The following JAKMIP1 variants were observed in gnomAD, a reference collection of about 807,000 sequenced individuals.
JAKMIP1 encodes the protein janus kinase and microtubule interacting protein 1.
Under a neutral mutation model 113.0 loss-of-function variants are expected in JAKMIP1, and 33 were observed. The ratio of observed to expected loss-of-function variants is 0.29; its 90% CI spans 0.22 to 0.39. JAKMIP1 has a LOEUF of 0.39. JAKMIP1 is among the 10% of genes least tolerant of loss of function. JAKMIP1 has a pLI of 1.00. For missense variants in JAKMIP1, 813 were observed against 1,080.5 expected (o/e 0.75, Z 3.47); for synonymous variants, 480 against 459.9 (o/e 1.04, Z -0.56).
At position 6,098,896 on chromosome 4, in the gene JAKMIP1, T is replaced by C. The variant is rs963797541; in HGVS notation, c.624+6577A>G. On this transcript the variant is annotated intron_variant, in intron 3 of 20. Transcript: ENST00000409021. ...AGCACCTTAGATTAGTTTTTACGCT[T>C]CTTAAACTTCATGTGAGTAAAATCA... Among the ~76,000 whole-genome samples, 4 of 152,242 alleles carry C rather than the reference T, an allele frequency of 2.6e-5. No individual in the cohort carries two copies. The East Asian group carries it at 7.7e-4, about 29-fold the overall frequency.
In JAKMIP1 at chr4:6,138,196, C is replaced by T. The variant is rs552352675; in HGVS notation, c.-147-25199G>A. On this transcript the variant is annotated intron_variant, in intron 1 of 20. Coordinates refer to ENST00000409021, the MANE Select transcript of JAKMIP1 (RefSeq NM_001099433.2). This position sits in a 1 kb window ranked among gnomAD's most constrained non-coding sequence, Gnocchi z 6.0. The stretch of plus-strand genomic sequence containing the variant: ...GGCTTCTGTTATCTGCACCTGAACA[C>T]AGATGAAAGCTGGGGTACCCCAGAA... Among the ~76,000 whole-genome samples the T allele has an allele frequency of 2.0e-5, 3 of 152,276 alleles. No individual in the cohort carries two copies. The South Asian group carries it at 6.2e-4, about 32-fold the overall frequency.
chr4:6,081,830 A>G lies in JAKMIP1; in HGVS notation c.955-75T>C. 2 of 1,573,822 alleles carry G rather than the reference A, an allele frequency of 1.3e-6. No individual in the cohort carries two copies. Among genetic ancestry groups the G allele is most frequent in the Non-Finnish European group, 1.7e-6 (2 of 1,151,172 alleles). Reference sequence around the variant, plus strand: ...CCGAGGTCACAGCACCGAGGTGAGCAGAGACTCAACCCAGTTAGGACCCCT... The same window carrying G: ...CCGAGGTCACAGCACCGAGGTGAGCGGAGACTCAACCCAGTTAGGACCCCT... On this transcript the variant is annotated intron_variant, in intron 5 of 20. Coordinates refer to ENST00000409021, the MANE Select transcript of JAKMIP1 (RefSeq NM_001099433.2). This position sits in a 1 kb window ranked among gnomAD's most constrained non-coding sequence, Gnocchi z 4.6.
At chr4:6,145,982 G>T (rs1413651939) in intron 1 of JAKMIP1, among the ~76,000 whole-genome samples, 1 of 152,128 alleles carries the variant, frequency 6.6e-6, no homozygotes, top group African/African-American at 2.4e-5. Context: ...TTCGACATAG[G>T]AACTTTGGGG....
rs1203880515 is a variant in JAKMIP1, at chr4:6,143,983, C to A, written c.-147-30986G>T. Reference sequence around the variant, plus strand: ...CTGCCTCACAGGCATGCCAGGGGGTCAAAGCAGAGAGGCTCACTCGGGCCC... The same window carrying A: ...CTGCCTCACAGGCATGCCAGGGGGTAAAAGCAGAGAGGCTCACTCGGGCCC... On this transcript the variant is annotated intron_variant, in intron 1 of 20. Transcript: ENST00000409021. The surrounding 1 kb of genome is among the most constrained non-coding windows in gnomAD (Gnocchi z 4.9). 2.0e-5 allele frequency among the ~76,000 whole-genome samples: 3 copies of A among 152,048 alleles called. No individual in the cohort carries two copies. Among genetic ancestry groups the A allele is most frequent in the Admixed American group, 1.3e-4 (2 of 15,274 alleles).
chr4:6,190,452 G>T (rs1189637719), intron 1 of JAKMIP1, among the ~76,000 whole-genome samples: 4 of 152,038 alleles, frequency 2.6e-5, no homozygotes, highest in African/African-American at 9.7e-5. Flanking sequence ...TTCCATAAGT[G>T]AACAGCACCC....
Position 6,042,152 on chromosome 4 carries a change from C to G in JAKMIP1, c.2097+7G>C. On this transcript the variant is annotated splice_region_variant and intron_variant, in intron 17 of 20. Transcript: ENST00000409021. The surrounding 1 kb of genome is among the most constrained non-coding windows in gnomAD (Gnocchi z 5.2). Reference sequence around the variant, plus strand: ...CTCCCCCACCCCCAGGCAGTCAAATCTTTTACCTTCTCCTTCTCCAGGTCC... The same window carrying G: ...CTCCCCCACCCCCAGGCAGTCAAATGTTTTACCTTCTCCTTCTCCAGGTCC... 6.2e-7 allele frequency: 1 copy of G among 1,613,306 alleles called. No homozygotes were observed. The highest frequency in any genetic ancestry group is 8.5e-7 in the Non-Finnish European group (1 of 1,179,304).
chr4:6,198,792 T>A (rs1281081957), intron 1 of JAKMIP1, among the ~76,000 whole-genome samples: 1 of 152,206 alleles, frequency 6.6e-6, no homozygotes, highest in African/African-American at 2.4e-5. Flanking sequence ...CCCTCCTCCT[T>A]GCCCATCCCA....
chr4:6,188,393 C>T lies in JAKMIP1; in HGVS notation c.-148+11860G>A, dbSNP rs1277636719. Among the ~76,000 whole-genome samples, 1 of 152,226 alleles carries T rather than the reference C, an allele frequency of 6.6e-6. No homozygotes were observed. The highest frequency in any genetic ancestry group is 2.4e-5 in the African/African-American group (1 of 41,460). Reference sequence around the variant, plus strand: ...TGCTGTGGCACTGTTCTCACAGACACCTGCACAGGAGGTTCTGATAAGGAG... The same window carrying T: ...TGCTGTGGCACTGTTCTCACAGACATCTGCACAGGAGGTTCTGATAAGGAG... On this transcript the variant is annotated intron_variant, in intron 1 of 20. Coordinates refer to ENST00000409021, the MANE Select transcript of JAKMIP1 (RefSeq NM_001099433.2). This position sits in a 1 kb window ranked among gnomAD's most constrained non-coding sequence, Gnocchi z 5.8.
Position 6,150,445 on chromosome 4 carries a change from C to T in JAKMIP1, c.-147-37448G>A, listed in dbSNP as rs1426385557. ...AAGGACAGTGTCCACGGTTCATCCA[C>T]CTCTACGTCCCCAGGGCCCTGTCCG... On this transcript the variant is annotated intron_variant, in intron 1 of 20. Coordinates refer to ENST00000409021, the MANE Select transcript of JAKMIP1 (RefSeq NM_001099433.2). This position sits in a 1 kb window ranked among gnomAD's most constrained non-coding sequence, Gnocchi z 4.8. 3 of 152,260 alleles carry T rather than the reference C, an allele frequency of 2.0e-5. No individual in the cohort carries two copies. The highest frequency in any genetic ancestry group is 7.2e-5 in the African/African-American group (3 of 41,454). 9.4% of individuals were successfully genotyped at this position (152,260 alleles called of 1,614,324 possible). A position where few individuals can be genotyped will look rare whatever the true frequency, so the allele number is the denominator to read the frequency against.
chr4:6,137,301 C>A lies in JAKMIP1; in HGVS notation c.-147-24304G>T, dbSNP rs537437222. 1.1e-4 allele frequency among the ~76,000 whole-genome samples: 16 copies of A among 152,324 alleles called. No homozygotes were observed. The highest frequency in any genetic ancestry group is 3.1e-4 in the African/African-American group (13 of 41,582). ...CCAGGGCCCACTGAGCCACAGCAGC[C>A]ACAGTGGCTGCAAGACGGCACGCGC... On this transcript the variant is annotated intron_variant, in intron 1 of 20. Coordinates refer to ENST00000409021, the MANE Select transcript of JAKMIP1 (RefSeq NM_001099433.2). The surrounding 1 kb of genome is among the most constrained non-coding windows in gnomAD (Gnocchi z 4.5).
intron 1 of JAKMIP1, among the ~76,000 whole-genome samples, chr4:6,166,203 C>T (rs1156482613): frequency 6.6e-6 from 1 of 152,200 alleles, no homozygotes; most frequent in Non-Finnish European, 1.5e-5. Flanking sequence ...GGTCTCCAGC[C>T]CATGACAGAT....
rs4526052 is a variant in JAKMIP1 at position 6,155,228 on chromosome 4, A to G, written c.-147-42231T>C. On this transcript the variant is annotated intron_variant, in intron 1 of 20. Transcript: ENST00000409021. The surrounding 1 kb of genome is among the most constrained non-coding windows in gnomAD (Gnocchi z 6.1). ...CCCTGGTGTGCCCACGAGGAGGACG[A>G]ATGCTCCTCCTAAGGAGGAAACAAC... 0.011 allele frequency among the ~76,000 whole-genome samples: 1,624 copies of G among 152,130 alleles called. 46 individuals carry two copies. Among genetic ancestry groups the G allele is most frequent in the Admixed American group, 0.075 (1,144 of 15,280 alleles).
At chr4:6,174,067 C>T (rs7673067) in intron 1 of JAKMIP1, among the ~76,000 whole-genome samples, 17,101 of 152,178 alleles carry the variant, frequency 0.11, 1,069 homozygotes, top group African/African-American at 0.16. Flanking sequence ...TACATACATA[C>T]GTACATACAT....
At chr4:6,122,372 T>C (rs1007741333) in intron 1 of JAKMIP1, among the ~76,000 whole-genome samples, 5 of 152,182 alleles carry the variant, frequency 3.3e-5, no homozygotes, top group African/African-American at 9.7e-5. Context: ...TTACAATCTA[T>C]TGAGACAGGA....
At chr4:6,166,328 G>C (rs6810870) in intron 1 of JAKMIP1, among the ~76,000 whole-genome samples, 99,542 of 152,058 alleles carry the variant, frequency 0.65, 32,846 homozygotes, top group East Asian at 0.78. Flanking sequence ...TGCCTGAAGG[G>C]CCCCTGGGCT....
chr4:6,063,300 G>C (rs1717577426), intron 9 of JAKMIP1, among the ~76,000 whole-genome samples: 1 of 152,228 alleles, frequency 6.6e-6, no homozygotes, highest in South Asian at 2.1e-4. Context: ...AGAGGATGAG[G>C]CAATCCCATG....
intron 12 of JAKMIP1, 73 bp from the exon 13 acceptor site, chr4:6,054,221 C>T: frequency 1.4e-6 from 2 of 1,459,418 alleles, no homozygotes; most frequent in South Asian, 2.4e-5. Flanking sequence ...GGCCACCTGA[C>T]TGAGTGGCTG....
At chr4:6,170,671 C>T (rs1724468214) in intron 1 of JAKMIP1, among the ~76,000 whole-genome samples, 1 of 150,002 alleles carries the variant, frequency 6.7e-6, no homozygotes, top group African/African-American at 2.5e-5. Flanking sequence ...TCCCACCACC[C>T]TTCTCACCTC....
rs1175391350 is a variant in JAKMIP1 at position 6,116,718 on chromosome 4, G to A, written c.-147-3721C>T. Among the ~76,000 whole-genome samples the A allele has an allele frequency of 6.6e-6, 1 of 152,152 alleles. No individual in the cohort carries two copies. The highest frequency in any genetic ancestry group is 1.5e-5 in the Non-Finnish European group (1 of 68,040). On this transcript the variant is annotated intron_variant, in intron 1 of 20. Transcript: ENST00000409021. The surrounding 1 kb of genome is among the most constrained non-coding windows in gnomAD (Gnocchi z 5.1). ...CTGCCTACAGGAAATTAATATACCG[G>A]GCATGCAGGAGGACCAGACAAGGTC...
Sources: allele counts gnomAD v4.1 joint callset (sites outside exome capture counted in the v4.1 genomes callset), GRCh38; gene constraint gnomAD v4.1.1; non-coding constraint Gnocchi (gnomAD v3.1); transcripts MANE v1.5; gene names NCBI Gene and HGNC (gene_info 2026-07-23, HGNC 2026-07-21).